CFAP52: variants seen among roughly 807,000 people sequenced by gnomAD.
CFAP52 encodes the protein cilia- and flagella-associated protein 52.
Under a neutral mutation model 70.5 loss-of-function variants are expected in CFAP52, and 57 were observed. The observed-to-expected ratio is 0.81, with a 90% CI of 0.65 to 1.01. The LOEUF (loss-of-function observed/expected upper bound fraction) is 1.01. Among genes scored for constraint, CFAP52 ranks in the 50% least tolerant of loss-of-function variants. CFAP52 has a pLI of 0.00. For synonymous variants in CFAP52, 267 were observed against 292.5 expected (o/e 0.91, Z 0.89); for missense variants, 785 against 788.5 (o/e 1.00, Z 0.05).
At chr17:9,615,837 A>C in intron 8 of CFAP52, among the ~76,000 whole-genome samples, 1 of 120,406 alleles carries the variant, frequency 8.3e-6, no homozygotes, top group African/African-American at 3.2e-5. Context: ...ACAGGGTCTC[A>C]CTATGTTGCC....
chr17:9,627,339 G>A (rs989959301), intron 8 of CFAP52, among the ~76,000 whole-genome samples: 6 of 152,092 alleles, frequency 3.9e-5, no homozygotes, highest in East Asian at 1.9e-4. Flanking sequence ...GTGAAACCCC[G>A]TCTCTACTAA....
chr17:9,631,078 GAAAGAGAA>G (rs1597793575), intron 9 of CFAP52, among the ~76,000 whole-genome samples: 1 of 129,734 alleles, frequency 7.7e-6, no homozygotes, highest in Admixed American at 7.6e-5. Context: ...AAGAAAGAAA[GAAAGAGAA>G]AGAAAGAAAG....
At chr17:9,600,004 G>A (rs1051691609) in intron 5 of CFAP52, 63 bp from the exon 6 acceptor site, 1 of 1,427,434 alleles carries the variant, frequency 7.0e-7, no homozygotes, top group Non-Finnish European at 9.9e-7. Context: ...GCCTCCCAAA[G>A]TGCTGATATT....
At chr17:9,633,146 C>A (rs1910629249) in intron 10 of CFAP52, 113 bp downstream of exon 10, 1 of 1,256,356 alleles carries the variant, frequency 8.0e-7, no homozygotes, top group Non-Finnish European at 1.1e-6. Context: ...CAAGCAGGAC[C>A]AAATTGACAT....
intron 7 of CFAP52, chr17:9,610,356 C>T (rs1429171819): frequency 6.6e-6 from 1 of 152,186 alleles, no homozygotes; most frequent in Non-Finnish European, 1.5e-5. Context: ...TGTGCTATCA[C>T]TGTTTCCAAA....
At chr17:9,629,387 C>A (rs188668441) in intron 9 of CFAP52, among the ~76,000 whole-genome samples, 1 of 152,164 alleles carries the variant, frequency 6.6e-6, no homozygotes, top group African/African-American at 2.4e-5. Context: ...TACTGCTTCA[C>A]ATCAATGAAA....
intron 6 of CFAP52, among the ~76,000 whole-genome samples, chr17:9,604,393 C>A (rs1909396345): frequency 6.6e-6 from 1 of 152,088 alleles, no homozygotes; most frequent in African/African-American, 2.4e-5. Context: ...AGGACTGTTA[C>A]CCAAAATATA....
At position 9,594,186 on chromosome 17, in the gene CFAP52, T is replaced by A. The variant is rs775443400; in HGVS notation, c.408-7T>A. On this transcript the variant is annotated splice_polypyrimidine_tract_variant and splice_region_variant and intron_variant, in intron 3 of 13. Transcript: ENST00000352665. ...CTTTTTTTTTTTGGTCCCTCTTATT[T>A]TGGCAGTGTGGTGGTGTGGAGCATA... is the stretch of plus-strand genomic sequence containing the variant. 4.5e-6 allele frequency: 7 copies of A among 1,569,266 alleles called. No homozygotes were observed. The South Asian group carries it at 8.3e-5, about 19-fold the overall frequency.
chr17:9,638,639 C>T lies in CFAP52; in HGVS notation c.1503C>T (p.Ala501=), dbSNP rs1243055363. 6.2e-7 allele frequency: 1 copy of T among 1,614,162 alleles called. No individual in the cohort carries two copies. Among genetic ancestry groups the T allele is most frequent in the East Asian group, 2.2e-5 (1 of 44,874 alleles). ...VRLRRNQMIL[A]NTLFQCVCYH... ...TCAGGAGGAATCAGATGATACTAGC[C>T]AACACCTTATTCCAGTGTGTGTGCT... The change falls in exon 12 of 14, where the codon GCC becomes GCT. Residue 501 remains alanine, a synonymous_variant. Transcript: ENST00000352665.
chr17:9,593,235 C>T (rs1441063591), intron 3 of CFAP52, among the ~76,000 whole-genome samples: 1 of 152,136 alleles, frequency 6.6e-6, no homozygotes, highest in East Asian at 1.9e-4. Context: ...TTATGATCCA[C>T]ACCCTATTCA....
At chr17:9,644,634 A>G (rs1911237580), downstream of CFAP52, 1 of 152,182 alleles carries the variant, frequency 6.6e-6, no homozygotes, top group East Asian at 1.9e-4. Flanking sequence ...AGGGCGGGGC[A>G]AGGCCAAACT....
chr17:9,632,032 C>A (rs1419928524), intron 9 of CFAP52, among the ~76,000 whole-genome samples: 2 of 151,392 alleles, frequency 1.3e-5, no homozygotes, highest in Non-Finnish European at 2.9e-5. Flanking sequence ...CTTGGCCTCC[C>A]AAAGCGCTGG....
In CFAP52 at chr17:9,611,557, G is replaced by A. The variant is rs1317557486; in HGVS notation, c.855-752G>A. Among the ~76,000 whole-genome samples, 10 of 152,042 alleles carry A rather than the reference G, an allele frequency of 6.6e-5. No homozygotes were observed. In the East Asian group the frequency reaches 1.9e-3, roughly 29 times the overall value. On this transcript the variant is annotated intron_variant, in intron 7 of 13. Transcript: ENST00000352665. Reference sequence around the variant, plus strand: ...TTTATTTTTTATTTTTAGAGACAGGGTCTTGCCATGTTGCCCAGGCTAGTC... The same window carrying A: ...TTTATTTTTTATTTTTAGAGACAGGATCTTGCCATGTTGCCCAGGCTAGTC...
intron 11 of CFAP52, among the ~76,000 whole-genome samples, chr17:9,636,274 G>C (rs922233397): frequency 1.3e-5 from 2 of 151,788 alleles, no homozygotes; most frequent in Non-Finnish European, 2.9e-5. Flanking sequence ...AACTAATGCA[G>C]GCAGTGCCTC....
At chr17:9,596,057 GTGTATATATATATATATATATA>G (rs1488880192) in intron 4 of CFAP52, among the ~76,000 whole-genome samples, 5 of 103,592 alleles carry the variant, frequency 4.8e-5, no homozygotes, top group Admixed American at 1.0e-4. Context: ...ATATATGTGT[GTGTATATATATATATATATATA>G]TATATATATA....
chr17:9,630,904 T>G (rs1209580706), intron 9 of CFAP52, among the ~76,000 whole-genome samples: 1 of 149,394 alleles, frequency 6.7e-6, no homozygotes, highest in Non-Finnish European at 1.5e-5. Context: ...GAGAGTTTCT[T>G]GAACCCGGGA....
At chr17:9,597,759 C>G (rs1423704822) in intron 4 of CFAP52, 1 of 152,100 alleles carries the variant, frequency 6.6e-6, no homozygotes. Flanking sequence ...GCAGAGATTG[C>G]GCCACTGCAC....
At chr17:9,624,801 G>T (rs182816009) in intron 8 of CFAP52, among the ~76,000 whole-genome samples, 1 of 152,120 alleles carries the variant, frequency 6.6e-6, no homozygotes, top group Admixed American at 6.6e-5. Flanking sequence ...TGTTCTCTGA[G>T]GATTGTTGGC....
intron 1 of CFAP52, among the ~76,000 whole-genome samples, chr17:9,584,747 G>T (rs1026713567): frequency 2.6e-5 from 4 of 151,826 alleles, no homozygotes; most frequent in Non-Finnish European, 4.4e-5. Context: ...TCAGCCTCCC[G>T]AGTAGCTGGG....
Sources: allele counts gnomAD v4.1 joint callset (sites outside exome capture counted in the v4.1 genomes callset), GRCh38; gene constraint gnomAD v4.1.1; transcripts MANE v1.5; gene names NCBI Gene and HGNC (gene_info 2026-07-23, HGNC 2026-07-21).